Variants in RAN observed in about 807,000 individuals in gnomAD.
The protein encoded by RAN is GTP-binding nuclear protein Ran.
RAN carries 2 observed loss-of-function variants against 26.8 expected under a neutral mutation model. The ratio of observed to expected loss-of-function variants is 0.07; its 90% CI spans 0.03 to 0.23. RAN has a LOEUF of 0.23. Among genes scored for constraint, RAN ranks in the 10% least tolerant of loss-of-function variants. The pLI, the probability that RAN is intolerant of heterozygous loss-of-function variation, is 1.00. For missense variants in RAN, 56 were observed against 264.8 expected (o/e 0.21, Z 5.47); for synonymous variants, 132 against 95.9 (o/e 1.38, Z -2.20).
Position 130,876,024 on chromosome 12 carries a change from C to T in RAN, c.*98C>T. On this transcript the variant is annotated 3_prime_UTR_variant, in exon 7 of 7. Transcript: ENST00000543796. Reference sequence around the variant, plus strand: ...TGTGTGCCACCTCATTATTATCTAGCTAAGCGGAACATGTGCTTCATCTGT... The same window carrying T: ...TGTGTGCCACCTCATTATTATCTAGTTAAGCGGAACATGTGCTTCATCTGT... 8.1e-7 allele frequency: 1 copy of T among 1,235,020 alleles called. No homozygotes were observed. The highest frequency in any genetic ancestry group is 1.2e-5 in the South Asian group (1 of 80,816). The allele number at this position is 1,235,020 out of a possible 1,614,324, so 76.5% of individuals were successfully genotyped here.
rs769595943 is a variant in RAN at position 130,872,576 on chromosome 12, C to T, written c.-10-8C>T. 21 of 1,507,532 alleles carry T rather than the reference C, an allele frequency of 1.4e-5. No homozygotes were observed. The highest frequency in any genetic ancestry group is 2.6e-5 in the South Asian group (2 of 77,068). 93.4% of individuals were successfully genotyped at this position (1,507,532 alleles called of 1,614,324 possible). A position where few individuals can be genotyped will look rare whatever the true frequency, so the allele number is the denominator to read the frequency against. On this transcript the variant is annotated splice_polypyrimidine_tract_variant and splice_region_variant and intron_variant, in intron 1 of 6. Coordinates refer to ENST00000543796, the MANE Select transcript of RAN (RefSeq NM_006325.5). ...GCGAGCGCTCGCCTCCGTCCTCTGC[C>T]TCCGCAGGAACGCCGCGATGGCTGC...
chr12:130,873,094 A>G lies in RAN; in HGVS notation c.213A>G (p.Lys71=), dbSNP rs766017080. Residue 71 remains lysine, a synonymous_variant, in exon 4 of 7, where the codon AAA becomes AAG. Coordinates refer to ENST00000543796, the MANE Select transcript of RAN (RefSeq NM_006325.5). The part of the protein sequence containing the change: ...FNVWDTAGQE[K]FGGLRDGYYI... ...TATGGGACACAGCCGGCCAGGAGAA[A>G]TTCGGTGGACTGAGAGATGGCTATT... The G allele has an allele frequency of 1.1e-5, 18 of 1,614,104 alleles. No homozygotes were observed. In the East Asian group the frequency reaches 3.1e-4, roughly 28 times the overall value.
chr12:130,875,087 A>T (rs1197729309), intron 5 of RAN, among the ~76,000 whole-genome samples: 2 of 152,128 alleles, frequency 1.3e-5, no homozygotes, highest in African/African-American at 4.8e-5. Context: ...TGGCCTCCTA[A>T]AGGGCTGGGA....
In RAN at chr12:130,872,123, G is replaced by T. The variant is rs1161998625; in HGVS notation, c.-14G>T. 7 of 279,452 alleles carry T rather than the reference G, an allele frequency of 2.5e-5. No homozygotes were observed. Among genetic ancestry groups the T allele is most frequent in the South Asian group, 1.8e-4 (7 of 38,050 alleles). 17.3% of individuals were successfully genotyped at this position (279,452 alleles called of 1,614,324 possible). ...TCGGACGGGCGCGGAGACGCTTCTG[G>T]AAGGTATCGCGACCCGGCGGGCCCG... On this transcript the variant is annotated 5_prime_UTR_variant, in exon 1 of 7. Coordinates refer to ENST00000543796, the MANE Select transcript of RAN (RefSeq NM_006325.5).
intron 5 of RAN, 79 bp from the exon 6 acceptor site, chr12:130,875,533 T>A: frequency 7.7e-7 from 1 of 1,306,984 alleles, no homozygotes; most frequent in Non-Finnish European, 1.0e-6. Context: ...CTTAACATTT[T>A]CTTATCTTGC....
rs1408832390 is a variant in RAN, at chr12:130,875,707, T to C, written c.531T>C (p.Val177=). 1 of 1,614,146 alleles carries C rather than the reference T, an allele frequency of 6.2e-7. No individual in the cohort carries two copies. Among genetic ancestry groups the C allele is most frequent in the Admixed American group, 1.7e-5 (1 of 59,996 alleles). Residue 177 remains valine, a synonymous_variant, in exon 6 of 7, where the codon GTT becomes GTC. Transcript: ENST00000543796. ...KLIGDPNLEF[V]AMPALAPPEV... Reference sequence around the variant, plus strand: ...TTGGAGACCCTAACTTGGAATTTGTTGCCATGCCTGCTCTCGCCCCACCAG... The same window carrying C: ...TTGGAGACCCTAACTTGGAATTTGTCGCCATGCCTGCTCTCGCCCCACCAG...
At chr12:130,872,504 G>A (rs1953155404) in intron 1 of RAN, 80 bp from the exon 2 acceptor site, 3 of 1,103,516 alleles carry the variant, frequency 2.7e-6, no homozygotes. Context: ...CGGGCACGTG[G>A]GGCGCTGGGG....
At position 130,872,940 on chromosome 12, in the gene RAN, G is replaced by A. The variant is rs778088001; in HGVS notation, c.121+20G>A. 7 of 1,614,224 alleles carry A rather than the reference G, an allele frequency of 4.3e-6. No homozygotes were observed. Among genetic ancestry groups the A allele is most frequent in the South Asian group, 2.2e-5 (2 of 91,082 alleles). ...ATGTAGGTATGTGCTGGAAAACCTT[G>A]CTTGTGGAAATATGTGAGAAATGGG... On this transcript the variant is annotated intron_variant, in intron 3 of 6. Transcript: ENST00000543796.
chr12:130,873,995 G>A (rs376430205), intron 4 of RAN: 2 of 385,348 alleles, frequency 5.2e-6, no homozygotes, highest in South Asian at 1.8e-5. Context: ...CTATAGGCAC[G>A]TGCCACTATG....
chr12:130,875,463 C>A, intron 5 of RAN, 149 bp from the exon 6 acceptor site: 1 of 726,018 alleles, frequency 1.4e-6, no homozygotes, highest in Non-Finnish European at 2.2e-6. Context: ...CAGGCAATCC[C>A]ACCTCAGCCC....
chr12:130,876,656 T>C lies in RAN; in HGVS notation c.*730T>C, dbSNP rs1953247717. On this transcript the variant is annotated 3_prime_UTR_variant, in exon 7 of 7. Coordinates refer to ENST00000543796, the MANE Select transcript of RAN (RefSeq NM_006325.5). Reference sequence around the variant, plus strand: ...CAAATAGATATTTTAAGGGTAATATTTTCTTTTATGGCAAAAGTAATCATG... The same window carrying C: ...CAAATAGATATTTTAAGGGTAATATCTTCTTTTATGGCAAAAGTAATCATG... 6.6e-6 allele frequency: 1 copy of C among 152,074 alleles called. No homozygotes were observed. Among genetic ancestry groups the C allele is most frequent in the African/African-American group, 2.4e-5 (1 of 41,430 alleles). 9.4% of individuals were successfully genotyped at this position (152,074 alleles called of 1,614,324 possible).
chr12:130,872,526 G>T (rs1953156368), intron 1 of RAN, 58 bp from the exon 2 acceptor site: 3 of 1,273,796 alleles, frequency 2.4e-6, no homozygotes, highest in African/African-American at 1.6e-5. Flanking sequence ...CGCGGGAGCG[G>T]GGCCGCCATG....
intron 4 of RAN, 104 bp from the exon 5 acceptor site, chr12:130,874,442 T>A: frequency 1.2e-6 from 1 of 865,918 alleles, no homozygotes; most frequent in Non-Finnish European, 1.8e-6. Context: ...AGGTGACTCG[T>A]TGAGGTCTAA....
At position 130,875,982 on chromosome 12, in the gene RAN, A is replaced by T. The variant is rs1953232050; in HGVS notation, c.*56A>T. On this transcript the variant is annotated 3_prime_UTR_variant, in exon 7 of 7. Coordinates refer to ENST00000543796, the MANE Select transcript of RAN (RefSeq NM_006325.5). ...TAGTTTTATAGGCAGCTGTCCTGTGATGTCAGCGGTGCAGCGTGTGTGCCA... is the reference window on the plus strand; with the variant it reads ...TAGTTTTATAGGCAGCTGTCCTGTGTTGTCAGCGGTGCAGCGTGTGTGCCA... 6.4e-7 allele frequency: 1 copy of T among 1,563,152 alleles called. No individual in the cohort carries two copies. Among genetic ancestry groups the T allele is most frequent in the African/African-American group, 1.4e-5 (1 of 73,806 alleles).
At position 130,872,093 on chromosome 12, in the gene RAN, C is replaced by T. The variant is rs147215193; in HGVS notation, c.-44C>T. Reference sequence around the variant, plus strand: ...ATTGCGCTTCCGCCATCTTTCCAGCCTCAGTCGGACGGGCGCGGAGACGCT... The same window carrying T: ...ATTGCGCTTCCGCCATCTTTCCAGCTTCAGTCGGACGGGCGCGGAGACGCT... On this transcript the variant is annotated 5_prime_UTR_variant, in exon 1 of 7. Transcript: ENST00000543796. 7.9e-3 allele frequency: 2,532 copies of T among 321,822 alleles called. 67 individuals are homozygous for T. The highest frequency in any genetic ancestry group is 0.051 in the African/African-American group (2,245 of 44,224). 19.9% of individuals were successfully genotyped at this position (321,822 alleles called of 1,614,324 possible).
At chr12:130,875,825 G>A in intron 6 of RAN, 43 bp downstream of exon 6, 1 of 1,614,078 alleles carries the variant, frequency 6.2e-7, no homozygotes, top group Non-Finnish European at 8.5e-7. Flanking sequence ...GGTTTGGCTT[G>A]TTTATTCCTG....
intron 1 of RAN, 187 bp from the exon 2 acceptor site, chr12:130,872,396 TC>T: frequency 6.0e-6 from 1 of 167,210 alleles, no homozygotes; most frequent in Non-Finnish European, 1.2e-5. Context: ...CGGCCGCCGT[TC>T]CCCGGGCCCC....
chr12:130,877,487 A>T lies in RAN; in HGVS notation c.*1561A>T, dbSNP rs548686612. 3.9e-5 allele frequency: 6 copies of T among 152,256 alleles called. No homozygotes were observed. Among genetic ancestry groups the T allele is most frequent in the Admixed American group, 3.9e-4 (6 of 15,276 alleles). The allele number at this position is 152,256 out of a possible 1,614,324, so 9.4% of individuals were successfully genotyped here. ...TGAAACCTTTCATTCAGGTATTTTG[A>T]ATTGAAGGTGTATGTGTTGTTTGTA... On this transcript the variant is annotated 3_prime_UTR_variant, in exon 7 of 7. Coordinates refer to ENST00000543796, the MANE Select transcript of RAN (RefSeq NM_006325.5).
At chr12:130,873,392 A>G (rs766918209) in intron 4 of RAN, 7 of 390,028 alleles carry the variant, frequency 1.8e-5, no homozygotes, top group Non-Finnish European at 3.3e-5. Context: ...TTAAAACAAT[A>G]ATAGGCTGTT....
Sources: gnomAD v4.1 joint callset for allele counts (sites outside exome capture counted in the v4.1 genomes callset) on GRCh38, gnomAD v4.1.1 for gene constraint, MANE v1.5 for transcripts, NCBI Gene and HGNC (gene_info 2026-07-23, HGNC 2026-07-21) for gene names.